PELI2: variants seen among roughly 807,000 people sequenced by gnomAD.
PELI2 encodes the protein E3 ubiquitin-protein ligase pellino homolog 2.
In PELI2, 23 loss-of-function variants were observed where a neutral mutation model predicts 42.3. The observed-to-expected ratio is 0.54, with a 90% CI of 0.39 to 0.77. The LOEUF (loss-of-function observed/expected upper bound fraction) is 0.77. PELI2 is among the 30% of genes least tolerant of loss of function. PELI2 has a pLI of 0.00. For missense variants in PELI2, 463 were observed against 553.2 expected, an observed-to-expected ratio of 0.84 and a Z score of 1.64; for synonymous variants, 245 against 212.2, an observed-to-expected ratio of 1.15 and a Z score of -1.34.
intron 2 of PELI2, among the ~76,000 whole-genome samples, chr14:56,198,014 C>CA (rs1566632343): frequency 3.3e-5 from 4 of 122,120 alleles, no homozygotes; most frequent in African/African-American, 1.1e-4. Context: ...ACACACACAC[C>CA]CACCTCTTTG....
At chr14:56,251,530 T>A (rs966341801) in intron 2 of PELI2, among the ~76,000 whole-genome samples, 3 of 152,200 alleles carry the variant, frequency 2.0e-5, no homozygotes, top group African/African-American at 7.2e-5. Flanking sequence ...TGTTACCCTG[T>A]TGGTTGATTG....
intron 2 of PELI2, among the ~76,000 whole-genome samples, chr14:56,211,619 G>T (rs1886714801): frequency 6.6e-6 from 1 of 152,308 alleles, no homozygotes; most frequent in Admixed American, 6.5e-5. Flanking sequence ...TATTTTTGGG[G>T]TGGATAGATG....
intron 2 of PELI2, among the ~76,000 whole-genome samples, chr14:56,220,355 GA>G (rs1171283104): frequency 2.0e-5 from 3 of 151,964 alleles, no homozygotes; most frequent in South Asian, 2.1e-4. Flanking sequence ...AGTACTTGGG[GA>G]AAAAAATAAG....
chr14:56,296,509 A>C, intron 5 of PELI2, 91 bp from the exon 6 acceptor site: 1 of 868,174 alleles, frequency 1.2e-6, no homozygotes, highest in Non-Finnish European at 1.8e-6. Flanking sequence ...GTTATCTTCA[A>C]ATATTTTTTT....
chr14:56,215,146 A>G (rs1394417641), intron 2 of PELI2, among the ~76,000 whole-genome samples: 2 of 152,226 alleles, frequency 1.3e-5, no homozygotes, highest in African/African-American at 2.4e-5. Context: ...TCTAATAGAG[A>G]TAACATCAGA....
At chr14:56,240,385 A>G (rs1434498265) in intron 2 of PELI2, among the ~76,000 whole-genome samples, 2 of 152,140 alleles carry the variant, frequency 1.3e-5, no homozygotes, top group African/African-American at 4.8e-5. Flanking sequence ...TGTGGGGCTT[A>G]AGGAAAGGGA....
intron 1 of PELI2, among the ~76,000 whole-genome samples, chr14:56,120,169 C>G (rs1436824473): frequency 6.6e-6 from 1 of 152,156 alleles, no homozygotes; most frequent in East Asian, 1.9e-4. Context: ...TCAGGGTTCA[C>G]AGGAAGGCGG....
At chr14:56,258,087 GA>G (rs768456548) in intron 2 of PELI2, among the ~76,000 whole-genome samples, 1 of 152,194 alleles carries the variant, frequency 6.6e-6, no homozygotes, top group Non-Finnish European at 1.5e-5. Flanking sequence ...CCTGTAGAGT[GA>G]AAAGATCTCA....
At chr14:56,169,336 T>C (rs1885086832) in intron 1 of PELI2, among the ~76,000 whole-genome samples, 1 of 152,204 alleles carries the variant, frequency 6.6e-6, no homozygotes, top group East Asian at 1.9e-4. Context: ...GAGCACTGTA[T>C]CCCTTGGTGG....
chr14:56,290,424 G>A lies in PELI2; in HGVS notation c.664G>A (p.Glu222Lys). 1 of 1,608,580 alleles carries A rather than the reference G, an allele frequency of 6.2e-7. No individual in the cohort carries two copies. The change falls in exon 5 of 6, where the codon GAA (glutamate) becomes AAA (lysine). Residue 222 changes from glutamate (E) to lysine (K), a missense_variant. Physicochemically the swap from Glu to Lys is moderately conservative, Grantham distance 56. Coordinates refer to ENST00000267460, the MANE Select transcript of PELI2 (RefSeq NM_021255.3). ...CTGTGGAGATGTGTACACCTTGCGA[G>A]AAACCAGGTCGGCCCAGCAACGAGG... ...SVCGDVYTLRETRSAQQRGKL... is the reference protein window; with the variant it reads ...SVCGDVYTLRKTRSAQQRGKL...
chr14:56,194,653 A>G (rs1566630528), intron 2 of PELI2, among the ~76,000 whole-genome samples: 1 of 152,210 alleles, frequency 6.6e-6, no homozygotes, highest in Admixed American at 6.5e-5. Context: ...ATGTCTGCTC[A>G]GGGGCATCCC....
intron 1 of PELI2, among the ~76,000 whole-genome samples, chr14:56,173,603 C>G (rs945154883): frequency 3.3e-5 from 5 of 152,110 alleles, no homozygotes; most frequent in African/African-American, 1.2e-4. Context: ...AGTCTGAAAT[C>G]AAGGTGTCGG....
intron 2 of PELI2, among the ~76,000 whole-genome samples, chr14:56,237,457 AC>A (rs1398224193): frequency 6.6e-6 from 1 of 152,068 alleles, no homozygotes; most frequent in East Asian, 1.9e-4. Context: ...CTTAGGTGGA[AC>A]TAAATTATCT....
At chr14:56,145,869 A>G (rs1439704946) in intron 1 of PELI2, among the ~76,000 whole-genome samples, 2 of 152,362 alleles carry the variant, frequency 1.3e-5, no homozygotes, top group East Asian at 1.9e-4. Context: ...GTTGACTTAC[A>G]TTACTTTTGT....
chr14:56,122,722 T>C lies in PELI2; in HGVS notation c.77+3985T>C, dbSNP rs141173770. Among the ~76,000 whole-genome samples the C allele has an allele frequency of 6.6e-5, 10 of 152,264 alleles. No individual in the cohort carries two copies. The East Asian group carries it at 1.9e-3, about 29-fold the overall frequency. On this transcript the variant is annotated intron_variant, in intron 1 of 5. Transcript: ENST00000267460. The stretch of plus-strand genomic sequence containing the variant: ...CTTGAACTTAGATGGGGGAAAAACA[T>C]GTCTTGATTTTCATGATATTCAAAC...
At chr14:56,202,307 AT>A (rs1886357920) in intron 2 of PELI2, among the ~76,000 whole-genome samples, 1 of 151,744 alleles carries the variant, frequency 6.6e-6, no homozygotes, top group East Asian at 1.9e-4. Flanking sequence ...TGTCTTAAAT[AT>A]CAAAATAAGC....
At chr14:56,237,780 C>T (rs1467221254) in intron 2 of PELI2, among the ~76,000 whole-genome samples, 1 of 151,356 alleles carries the variant, frequency 6.6e-6, no homozygotes, top group Non-Finnish European at 1.5e-5. Context: ...TGTGGACTGA[C>T]CAGATACTTC....
intron 1 of PELI2, among the ~76,000 whole-genome samples, chr14:56,150,948 T>C (rs1884327613): frequency 6.6e-6 from 1 of 152,190 alleles, no homozygotes; most frequent in Non-Finnish European, 1.5e-5. Context: ...GAAGTAACTT[T>C]ATGGATAAGA....
chr14:56,213,867 T>C (rs190275764), intron 2 of PELI2, among the ~76,000 whole-genome samples: 319 of 152,356 alleles, frequency 2.1e-3, no homozygotes, highest in African/African-American at 7.3e-3. Context: ...TTTGGGTTTT[T>C]TTGAGACAGG....
Sources: gnomAD v4.1 joint callset for allele counts (sites outside exome capture counted in the v4.1 genomes callset) on GRCh38, gnomAD v4.1.1 for gene constraint, MANE v1.5 for transcripts, NCBI Gene and HGNC (gene_info 2026-07-23, HGNC 2026-07-21) for gene names.